Variants in NR6A1 observed in about 807,000 individuals in gnomAD.
NR6A1 encodes the protein retinoic acid receptor-related testis-associated receptor.
NR6A1 carries 7 observed loss-of-function variants against 59.1 expected under a neutral mutation model. The observed-to-expected ratio is 0.12, with a 90% confidence interval of 0.07 to 0.22. The LOEUF (loss-of-function observed/expected upper bound fraction) is 0.22, where lower values mean the gene tolerates loss of function less well. NR6A1 is among the 10% of genes least tolerant of loss of function. The probability of loss-of-function intolerance (pLI) is 1.00; values close to 1 mark genes in which losing one functional copy is unlikely to be tolerated. For missense variants in NR6A1, 468 were observed against 611.6 expected, an observed-to-expected ratio of 0.77 and a Z score of 2.48; for synonymous variants, 243 against 236.1, an observed-to-expected ratio of 1.03 and a Z score of -0.27.
intron 2 of NR6A1, among the ~76,000 whole-genome samples, chr9:124,566,446 G>A (rs1403811377): frequency 6.6e-6 from 1 of 152,206 alleles, no homozygotes; most frequent in Non-Finnish European, 1.5e-5. Flanking sequence ...AAAGGGAAAT[G>A]ATATCAGCAA....
intron 5 of NR6A1, among the ~76,000 whole-genome samples, chr9:124,538,675 C>A (rs1833354596): frequency 1.3e-5 from 2 of 152,132 alleles, no homozygotes; most frequent in African/African-American, 2.4e-5. Flanking sequence ...TATTATAATA[C>A]TGCTAGGAAA....
intron 2 of NR6A1, among the ~76,000 whole-genome samples, chr9:124,647,738 AAAAG>A (rs1315786441): frequency 5.1e-4 from 60 of 117,614 alleles, no homozygotes; most frequent in South Asian, 8.1e-4. Context: ...AAAAAAAAAA[AAAAG>A]AAAGAAAGAA....
rs984978052 is a variant in NR6A1, at chr9:124,771,245, C to T, written c.-126G>A. On this transcript the variant is annotated 5_prime_UTR_variant, in exon 1 of 10. Transcript: ENST00000487099. ...CCCGCGAGCTCCCGGCCGCGGCTCT[C>T]TCTGGGCCCCGAGCCGCCCGGCTCC... 5 of 479,874 alleles carry T rather than the reference C, an allele frequency of 1.0e-5. No individual in the cohort carries two copies. Among genetic ancestry groups the T allele is most frequent in the Non-Finnish European group, 1.7e-5 (5 of 301,416 alleles). The allele number at this position is 479,874 out of a possible 1,614,324, so 29.7% of individuals were successfully genotyped here.
intron 1 of NR6A1, among the ~76,000 whole-genome samples, chr9:124,768,639 C>T (rs1447267309): frequency 2.6e-5 from 4 of 152,184 alleles, no homozygotes; most frequent in Non-Finnish European, 5.9e-5. Context: ...CCACCTTAGT[C>T]TAAATGGATT....
At chr9:124,535,792 T>C in intron 7 of NR6A1, 86 bp downstream of exon 7, 1 of 1,509,352 alleles carries the variant, frequency 6.6e-7, no homozygotes, top group Non-Finnish European at 9.1e-7. Flanking sequence ...GTAGTGCCTA[T>C]CCTCTGAAGG....
chr9:124,749,518 T>G (rs527687765), intron 1 of NR6A1, among the ~76,000 whole-genome samples: 4 of 152,068 alleles, frequency 2.6e-5, no homozygotes, highest in Non-Finnish European at 5.9e-5. Flanking sequence ...GGTCAACCAT[T>G]CAGATCTCAG....
chr9:124,574,213 A>G (rs979727172), intron 2 of NR6A1, among the ~76,000 whole-genome samples: 1 of 152,214 alleles, frequency 6.6e-6, no homozygotes, highest in Admixed American at 6.5e-5. Flanking sequence ...TTGAATGGGT[A>G]TATGTATGAA....
intron 1 of NR6A1, among the ~76,000 whole-genome samples, chr9:124,760,610 T>C (rs930543654): frequency 2.0e-5 from 3 of 152,210 alleles, no homozygotes; most frequent in African/African-American, 7.2e-5. Flanking sequence ...AAATTATTAA[T>C]GCTGTTACTA....
At chr9:124,715,200 C>CAG (rs1424468471) in intron 2 of NR6A1, among the ~76,000 whole-genome samples, 1 of 139,314 alleles carries the variant, frequency 7.2e-6, no homozygotes, top group Non-Finnish European at 1.5e-5. Flanking sequence ...GACTTCGTCT[C>CAG]AGAAAAAAAA....
In NR6A1 at chr9:124,739,749, T is replaced by A. The variant is rs141440117; in HGVS notation, c.101-6400A>T. Among the ~76,000 whole-genome samples the A allele has an allele frequency of 5.5e-3, 843 of 152,354 alleles. 7 individuals are homozygous for A. The highest frequency in any genetic ancestry group is 0.019 in the African/African-American group (801 of 41,588). ...TGACTATAAAATTGTAAATTTACCA[T>A]GACAGAAACTTAAATAAACTTCTGA... On this transcript the variant is annotated intron_variant, in intron 1 of 9. Transcript: ENST00000487099.
intron 2 of NR6A1, among the ~76,000 whole-genome samples, chr9:124,587,440 T>A (rs753056512): frequency 6.6e-6 from 1 of 152,188 alleles, no homozygotes; most frequent in Non-Finnish European, 1.5e-5. Context: ...CTTGTGCCAA[T>A]GCTCAAAGCT....
rs971130078 is a variant in NR6A1, at chr9:124,538,261, C to A, written c.655G>T (p.Val219Leu). Residue 219 changes from valine (V) to leucine (L), a missense_variant, in exon 6 of 10, where the codon GTG (valine) becomes TTG (leucine). Coordinates refer to ENST00000487099, the MANE Select transcript of NR6A1 (RefSeq NM_033334.4). ...AFREQYMGMS[V>L]PPHYQYIPHL... is the part of the protein sequence containing the mutation. ...GGTATATATTGGTAATGTGGAGGCA[C>A]AGACATTCCCATGTACTGTTCCCTG... 80 of 1,614,058 alleles carry A rather than the reference C, an allele frequency of 5.0e-5. No individual in the cohort carries two copies. Among genetic ancestry groups the A allele is most frequent in the Non-Finnish European group, 6.7e-5 (79 of 1,180,042 alleles).
At chr9:124,767,297 T>C (rs2131210402) in intron 1 of NR6A1, among the ~76,000 whole-genome samples, 1 of 152,292 alleles carries the variant, frequency 6.6e-6, no homozygotes, top group South Asian at 2.1e-4. Context: ...TACACCTTTT[T>C]GCTACGGAAG....
intron 2 of NR6A1, among the ~76,000 whole-genome samples, chr9:124,593,292 G>A (rs1393243217): frequency 1.3e-5 from 2 of 152,118 alleles, no homozygotes; most frequent in East Asian, 1.9e-4. Context: ...CCAGCTGTTC[G>A]GGGAGGGATT....
At chr9:124,674,194 T>A (rs1406680391) in intron 2 of NR6A1, among the ~76,000 whole-genome samples, 3 of 152,170 alleles carry the variant, frequency 2.0e-5, no homozygotes, top group Admixed American at 1.3e-4. Flanking sequence ...ATCTGTAAAA[T>A]GGAGACCAAT....
rs1451942313 is a variant in NR6A1, at chr9:124,522,742, A to G, written c.1406T>C (p.Val469Ala). The change falls in exon 10 of 10, where the codon GTG becomes GCG. Residue 469 changes from valine to alanine, a missense_variant. By Grantham distance (64) the Val-to-Ala change is moderately conservative. Around this residue, in one of 4 missense-constraint regions of NR6A1, gnomAD observed 176 missense variants for 264.0 expected, o/e 0.67. Coordinates refer to ENST00000487099, the MANE Select transcript of NR6A1 (RefSeq NM_033334.4). Reference protein sequence around the residue: ...LEQLPLLFKVVLHSCKTSVGK... With the variant: ...LEQLPLLFKVALHSCKTSVGK... The stretch of plus-strand genomic sequence containing the variant: ...CACACTGGTCTTGCAGGAATGCAGC[A>G]CCACCTTAAAGAGGAGGGGCAGCTG... 1 of 1,593,050 alleles carries G rather than the reference A, an allele frequency of 6.3e-7. No homozygotes were observed. Among genetic ancestry groups the G allele is most frequent in the Non-Finnish European group, 8.5e-7 (1 of 1,169,854 alleles).
chr9:124,561,858 G>C (rs1261535568), intron 2 of NR6A1, among the ~76,000 whole-genome samples: 3 of 152,162 alleles, frequency 2.0e-5, no homozygotes, highest in African/African-American at 7.2e-5. Flanking sequence ...GTTGCAGTGA[G>C]CCAAGATTGC....
At chr9:124,587,434 T>G (rs536087618) in intron 2 of NR6A1, among the ~76,000 whole-genome samples, 1 of 152,320 alleles carries the variant, frequency 6.6e-6, no homozygotes, top group Admixed American at 6.5e-5. Flanking sequence ...AGAGACCTTG[T>G]GCCAATGCTC....
At chr9:124,746,947 A>G (rs1840351574) in intron 1 of NR6A1, among the ~76,000 whole-genome samples, 1 of 152,238 alleles carries the variant, frequency 6.6e-6, no homozygotes, top group Non-Finnish European at 1.5e-5. Context: ...AAATGCCCTA[A>G]TGGAGACATT....
Sources: allele counts gnomAD v4.1 joint callset (sites outside exome capture counted in the v4.1 genomes callset), GRCh38; gene constraint gnomAD v4.1.1; regional missense constraint gnomAD v4.1.1; transcripts MANE v1.5; gene names NCBI Gene and HGNC (gene_info 2026-07-23, HGNC 2026-07-21).